ADAMTSL1: variants seen among roughly 807,000 people sequenced by gnomAD.
ADAMTSL1 encodes ADAMTS-like protein 1.
In ADAMTSL1, 126 loss-of-function variants were observed where a neutral mutation model predicts 201.8. The ratio of observed to expected loss-of-function variants is 0.62; its 90% confidence interval spans 0.54 to 0.72. ADAMTSL1 has a LOEUF of 0.72. ADAMTSL1 is among the 30% of genes least tolerant of loss of function. The probability of loss-of-function intolerance (pLI) is 0.00; values close to 1 mark genes in which losing one functional copy is unlikely to be tolerated. For missense variants in ADAMTSL1, 2,679 were observed against 2,277.8 expected (o/e 1.18, Z -3.59); for synonymous variants, 1,121 against 903.4 (o/e 1.24, Z -4.32).
At chr9:18,166,915 C>T (rs1275890429) in intron 2 of ADAMTSL1, among the ~76,000 whole-genome samples, 1 of 151,900 alleles carries the variant, frequency 6.6e-6, no homozygotes, top group African/African-American at 2.4e-5. Context: ...TCAACGAGGA[C>T]CTATTGGCGT....
chr9:18,336,077 A>G (rs542239262), intron 2 of ADAMTSL1, among the ~76,000 whole-genome samples: 5 of 152,268 alleles, frequency 3.3e-5, no homozygotes, highest in East Asian at 1.9e-4. Flanking sequence ...CACATAGCAT[A>G]AACTGGAATT....
chr9:17,982,412 A>C (rs1260456438), intron 1 of ADAMTSL1, among the ~76,000 whole-genome samples: 2 of 152,122 alleles, frequency 1.3e-5, no homozygotes, highest in African/African-American at 4.8e-5. Flanking sequence ...AAGGAGTTCG[A>C]GACCAGGCTG....
chr9:17,992,459 T>A (rs1157008911), intron 1 of ADAMTSL1, among the ~76,000 whole-genome samples: 1 of 151,840 alleles, frequency 6.6e-6, no homozygotes, highest in African/African-American at 2.4e-5. Context: ...TTGCCAACTT[T>A]GTTTCTTTTC....
intron 1 of ADAMTSL1, among the ~76,000 whole-genome samples, chr9:17,989,003 T>G (rs2131492576): frequency 6.6e-6 from 1 of 152,084 alleles, no homozygotes; most frequent in East Asian, 1.9e-4. Flanking sequence ...TTTCACATAC[T>G]TCCAAGAACC....
At chr9:17,914,699 C>T (rs10963339) in intron 1 of ADAMTSL1, among the ~76,000 whole-genome samples, 10 of 150,574 alleles carry the variant, frequency 6.6e-5, no homozygotes, top group Admixed American at 1.3e-4. Context: ...AGGAAATAAA[C>T]GGTATTCAAT....
intron 2 of ADAMTSL1, among the ~76,000 whole-genome samples, chr9:18,166,169 C>T (rs187310355): frequency 1.3e-5 from 2 of 152,030 alleles, no homozygotes; most frequent in East Asian, 1.9e-4. Context: ...CACGTTTCAC[C>T]TCCCCTACCA....
intron 17 of ADAMTSL1, among the ~76,000 whole-genome samples, chr9:18,772,702 G>T (rs989993249): frequency 3.9e-5 from 6 of 152,102 alleles, no homozygotes; most frequent in Admixed American, 6.5e-5. Context: ...TACTAAAAGT[G>T]AACCCTTATG....
intron 4 of ADAMTSL1, among the ~76,000 whole-genome samples, chr9:18,598,520 A>T (rs34098829): frequency 0.072 from 10,941 of 152,176 alleles, 421 homozygotes; most frequent in Non-Finnish European, 0.089. Context: ...TTTCACCATT[A>T]CTAAGTGCAC....
intron 2 of ADAMTSL1, among the ~76,000 whole-genome samples, chr9:18,440,557 AAAC>A (rs1246856027): frequency 4.0e-5 from 6 of 151,572 alleles, no homozygotes; most frequent in Non-Finnish European, 7.4e-5. Flanking sequence ...AGGTAAATAA[AAAC>A]AACACTTTAT....
chr9:18,315,047 C>A (rs10963572), intron 2 of ADAMTSL1, among the ~76,000 whole-genome samples: 12,694 of 151,850 alleles, frequency 0.084, 711 homozygotes, highest in East Asian at 0.22. Flanking sequence ...CCGCCCGCCT[C>A]GGCCTCCCAA....
chr9:18,314,747 C>T (rs936986459), intron 2 of ADAMTSL1, among the ~76,000 whole-genome samples: 6 of 147,320 alleles, frequency 4.1e-5, no homozygotes, highest in African/African-American at 1.5e-4. Context: ...GGAAGGGGAC[C>T]CCAGTGGGTT....
intron 4 of ADAMTSL1, among the ~76,000 whole-genome samples, chr9:18,613,803 A>C (rs1426204559): frequency 6.6e-6 from 1 of 152,146 alleles, no homozygotes; most frequent in Non-Finnish European, 1.5e-5. Context: ...CTGGGCAATG[A>C]AGTAATCTGT....
intron 1 of ADAMTSL1, among the ~76,000 whole-genome samples, chr9:18,034,398 CT>C (rs2131615931): frequency 6.6e-6 from 1 of 152,240 alleles, no homozygotes; most frequent in African/African-American, 2.4e-5. Flanking sequence ...GGCCATCTTG[CT>C]TTTACTCCTG....
At chr9:17,922,505 G>A (rs991029317) in intron 1 of ADAMTSL1, among the ~76,000 whole-genome samples, 2 of 152,122 alleles carry the variant, frequency 1.3e-5, no homozygotes, top group African/African-American at 2.4e-5. Flanking sequence ...AGGGATATGC[G>A]TTTATTACCG....
intron 14 of ADAMTSL1, among the ~76,000 whole-genome samples, chr9:18,714,754 C>T (rs930089846): frequency 7.2e-5 from 11 of 152,010 alleles, no homozygotes; most frequent in African/African-American, 2.4e-4. Flanking sequence ...TTGATGAGGC[C>T]AGTATCATAC....
rs1244738143 is a variant in ADAMTSL1 at position 18,838,482 on chromosome 9, C to T, written c.4249+8505C>T. Among the ~76,000 whole-genome samples, 3 of 151,524 alleles carry T rather than the reference C, an allele frequency of 2.0e-5. No individual in the cohort carries two copies. In the East Asian group the frequency reaches 5.8e-4, roughly 29 times the overall value. On this transcript the variant is annotated intron_variant, in intron 23 of 28. Coordinates refer to ENST00000380548, the MANE Select transcript of ADAMTSL1 (RefSeq NM_001040272.6). Reference sequence around the variant, plus strand: ...AGCTCTAAAGAGCCTGGAGTTTCCTCAGAATTAGATAGCCTCAGGTGGCTC... The same window carrying T: ...AGCTCTAAAGAGCCTGGAGTTTCCTTAGAATTAGATAGCCTCAGGTGGCTC...
chr9:18,839,979 G>T (rs1243793960), intron 23 of ADAMTSL1, among the ~76,000 whole-genome samples: 1 of 150,218 alleles, frequency 6.7e-6, no homozygotes, highest in Admixed American at 6.6e-5. Context: ...CTCCCATTTT[G>T]TAGGTTGCCT....
intron 2 of ADAMTSL1, among the ~76,000 whole-genome samples, chr9:18,261,773 C>T (rs145233162): frequency 6.6e-6 from 1 of 152,244 alleles, no homozygotes; most frequent in East Asian, 1.9e-4. Context: ...AAGAAGAGAA[C>T]TATTGTAGGT....
chr9:18,746,443 C>T (rs750771589), intron 15 of ADAMTSL1, among the ~76,000 whole-genome samples: 109 of 152,282 alleles, frequency 7.2e-4, no homozygotes, highest in Non-Finnish European at 1.1e-3. Flanking sequence ...ACAAGAAAAT[C>T]ACAGGACAGA....
Sources: allele counts gnomAD v4.1 joint callset (sites outside exome capture counted in the v4.1 genomes callset), GRCh38; gene constraint gnomAD v4.1.1; transcripts MANE v1.5; gene names NCBI Gene and HGNC (gene_info 2026-07-23, HGNC 2026-07-21).